TNFRSF11B: variants seen among roughly 807,000 people sequenced by gnomAD.
The protein encoded by TNFRSF11B is tumor necrosis factor receptor superfamily member 11B.
Under a neutral mutation model 43.4 loss-of-function variants are expected in TNFRSF11B, and 16 were observed. That is an observed-to-expected ratio of 0.37 (90% CI 0.25 to 0.56). The LOEUF (loss-of-function observed/expected upper bound fraction) is 0.56, where lower values mean the gene tolerates loss of function less well. Among genes scored for constraint, TNFRSF11B ranks in the 20% least tolerant of loss-of-function variants. The pLI is 0.80. For synonymous variants in TNFRSF11B, 185 were observed against 181.8 expected (o/e 1.02, Z -0.14); for missense variants, 444 against 490.1 (o/e 0.91, Z 0.89).
At chr8:118,944,415 A>G (rs1350396343) in intron 1 of TNFRSF11B, among the ~76,000 whole-genome samples, 2 of 152,126 alleles carry the variant, frequency 1.3e-5, no homozygotes, top group East Asian at 1.9e-4. Flanking sequence ...ATTTTAACTC[A>G]TGAGTTACTG....
intron 1 of TNFRSF11B, among the ~76,000 whole-genome samples, chr8:118,939,782 G>A (rs1269088389): frequency 6.6e-6 from 1 of 152,184 alleles, no homozygotes; most frequent in Non-Finnish European, 1.5e-5. Context: ...CAGCTTTCGT[G>A]GTTATGAGCA....
intron 2 of TNFRSF11B, among the ~76,000 whole-genome samples, chr8:118,930,991 A>G (rs544894757): frequency 6.6e-6 from 1 of 152,328 alleles, no homozygotes; most frequent in Admixed American, 6.5e-5. Context: ...CCTTATTACT[A>G]TCAGTGGAAA....
chr8:118,924,867 A>G lies in TNFRSF11B; in HGVS notation c.818-105T>C, dbSNP rs952294983. On this transcript the variant is annotated intron_variant, in intron 4 of 4. Transcript: ENST00000297350. ...AAGGTTCTTGCAGAATTTCATAATT[A>G]TATTTCAATGATAACCTTTTCTTTT... The G allele has an allele frequency of 6.5e-6, 9 of 1,389,548 alleles. No homozygotes were observed. In the South Asian group the frequency reaches 8.5e-5, roughly 13 times the overall value. 86.1% of individuals were successfully genotyped at this position (1,389,548 alleles called of 1,614,324 possible).
chr8:118,923,792 T>C lies in TNFRSF11B; in HGVS notation c.*582A>G, dbSNP rs1812211924. ...ACACAGAAAAATATGGCAGTACCTA[T>C]TAGAAAAATGCTACAAACTTTCCAT... is the stretch of plus-strand genomic sequence containing the variant. On this transcript the variant is annotated 3_prime_UTR_variant, in exon 5 of 5. Coordinates refer to ENST00000297350, the MANE Select transcript of TNFRSF11B (RefSeq NM_002546.4). The C allele has an allele frequency of 6.6e-6, 1 of 152,628 alleles. No individual in the cohort carries two copies. The highest frequency in any genetic ancestry group is 2.4e-5 in the African/African-American group (1 of 41,448). 9.5% of individuals were successfully genotyped at this position (152,628 alleles called of 1,614,324 possible). A position where few individuals can be genotyped will look rare whatever the true frequency, so the allele number is the denominator to read the frequency against.
chr8:118,927,773 TTAGTG>T (rs1400485375), intron 3 of TNFRSF11B, among the ~76,000 whole-genome samples: 1 of 152,078 alleles, frequency 6.6e-6, no homozygotes, highest in African/African-American at 2.4e-5. Context: ...CAAATCATCT[TTAGTG>T]TAATGTGTCT....
At chr8:118,927,551 A>AT (rs10675780) in intron 3 of TNFRSF11B, among the ~76,000 whole-genome samples, 87,968 of 136,058 alleles carry the variant, frequency 0.65, 30,807 homozygotes, top group Middle Eastern at 0.77. Flanking sequence ...CCCTTCCTTC[A>AT]TTTTTTTTTT....
intron 1 of TNFRSF11B, among the ~76,000 whole-genome samples, chr8:118,950,360 A>C (rs1812624074): frequency 6.6e-6 from 1 of 152,232 alleles, no homozygotes; most frequent in African/African-American, 2.4e-5. Context: ...TATATCCTAC[A>C]GTAGAGATGA....
chr8:118,947,011 C>A (rs1812573599), intron 1 of TNFRSF11B, among the ~76,000 whole-genome samples: 1 of 152,120 alleles, frequency 6.6e-6, no homozygotes, highest in Non-Finnish European at 1.5e-5. Flanking sequence ...ACTGGTACAG[C>A]CAGGCTTAGA....
chr8:118,947,600 T>G (rs1812584019), intron 1 of TNFRSF11B, among the ~76,000 whole-genome samples: 1 of 152,192 alleles, frequency 6.6e-6, no homozygotes, highest in East Asian at 1.9e-4. Flanking sequence ...ATAAGAAATC[T>G]AAGTAAAAAA....
At chr8:118,930,058 A>G (rs1390613230) in intron 2 of TNFRSF11B, among the ~76,000 whole-genome samples, 1 of 152,184 alleles carries the variant, frequency 6.6e-6, no homozygotes, top group Non-Finnish European at 1.5e-5. Flanking sequence ...AAAAATGACA[A>G]AGGGCTGGCA....
At chr8:118,938,543 A>C (rs3134055) in intron 1 of TNFRSF11B, among the ~76,000 whole-genome samples, 10,685 of 152,052 alleles carry the variant, frequency 0.07, 422 homozygotes, top group South Asian at 0.092. Flanking sequence ...AACATTTACC[A>C]AATGCTTTCC....
chr8:118,940,472 A>G (rs1474987228), intron 1 of TNFRSF11B, among the ~76,000 whole-genome samples: 1 of 152,190 alleles, frequency 6.6e-6, no homozygotes, highest in Non-Finnish European at 1.5e-5. Context: ...CTCCACCACT[A>G]CTTAGTAACC....
At chr8:118,947,311 C>A (rs1193881755) in intron 1 of TNFRSF11B, among the ~76,000 whole-genome samples, 1 of 151,496 alleles carries the variant, frequency 6.6e-6, no homozygotes, top group Non-Finnish European at 1.5e-5. Context: ...AGTAGACGAT[C>A]CAACACCCTA....
Position 118,933,002 on chromosome 8 carries a change from C to A in TNFRSF11B, c.329G>T (p.Gly110Val). 6.2e-7 allele frequency: 1 copy of A among 1,614,168 alleles called. No individual in the cohort carries two copies. Among genetic ancestry groups the A allele is most frequent in the Non-Finnish European group, 8.5e-7 (1 of 1,180,028 alleles). ...GCAGAACTCTATCTCAAGGTAGCGC[C>A]CTTCCTTGCATTCGCACACGCGGTT... ...THNRVCECKE[G>V]RYLEIEFCLK... The change falls in exon 2 of 5, where the codon GGG (glycine) becomes GTG (valine). Residue 110 changes from glycine (G) to valine (V), a missense_variant. Gly to Val is a moderately radical substitution (Grantham distance 109). Transcript: ENST00000297350.
rs781625815 is a variant in TNFRSF11B, at chr8:118,928,957, C to A, written c.401-28G>T. On this transcript the variant is annotated intron_variant, in intron 2 of 4. Transcript: ENST00000297350. ...ACAGAAAATACCAAGCAATTTAGTA[C>A]CTTCTCCTCAAATCGTTTCCCAGCA... is the stretch of plus-strand genomic sequence containing the variant. 3.4e-5 allele frequency: 55 copies of A among 1,608,868 alleles called. No individual in the cohort carries two copies. In the Middle Eastern group the frequency reaches 4.9e-4, roughly 14 times the overall value.
At position 118,924,322 on chromosome 8, in the gene TNFRSF11B, C is replaced by T. The variant is rs1812219582; in HGVS notation, c.*52G>A. 1.9e-6 allele frequency: 3 copies of T among 1,604,292 alleles called. No homozygotes were observed. In the South Asian group the frequency reaches 3.3e-5, roughly 18 times the overall value. On this transcript the variant is annotated 3_prime_UTR_variant, in exon 5 of 5. Transcript: ENST00000297350. ...TCAAGTGCCTGAGAAACAGTTTACTCATCCATGGGATCTCGCCAATTGTGA... is the reference window on the plus strand; with the variant it reads ...TCAAGTGCCTGAGAAACAGTTTACTTATCCATGGGATCTCGCCAATTGTGA...
chr8:118,939,121 A>G (rs1180593855), intron 1 of TNFRSF11B, among the ~76,000 whole-genome samples: 1 of 152,216 alleles, frequency 6.6e-6, no homozygotes, highest in African/African-American at 2.4e-5. Flanking sequence ...GGAAACATCC[A>G]GGATATATAC....
At chr8:118,951,459 T>C (rs1668934272) in intron 1 of TNFRSF11B, among the ~76,000 whole-genome samples, 1 of 152,186 alleles carries the variant, frequency 6.6e-6, no homozygotes, top group African/African-American at 2.4e-5. Flanking sequence ...ATGGACTACA[T>C]GAGGGCGTTA....
Position 118,933,272 on chromosome 8 carries a change from G to A in TNFRSF11B, c.59C>T (p.Thr20Ile), listed in dbSNP as rs140846266. 1.2e-5 allele frequency: 20 copies of A among 1,613,976 alleles called. No individual in the cohort carries two copies. The African/African-American group carries it at 2.3e-4, about 18-fold the overall frequency. ...GTACTTTGGAGGAAACGTTTCCTGG[G>A]TGGTCCACTTAATGGAGATGTCCAG... ...VFLDISIKWT[T>I]QETFPPKYLH... Residue 20 changes from threonine to isoleucine, a missense_variant, in exon 2 of 5, where the codon ACC becomes ATC. Physicochemically the swap from Thr to Ile is moderately conservative, Grantham distance 89 (BLOSUM62 -1). Transcript: ENST00000297350.
Sources: gnomAD v4.1 joint callset for allele counts (sites outside exome capture counted in the v4.1 genomes callset) on GRCh38, gnomAD v4.1.1 for gene constraint, MANE v1.5 for transcripts, NCBI Gene and HGNC (gene_info 2026-07-23, HGNC 2026-07-21) for gene names.